Variants in SLC4A5 observed in about 807,000 individuals in gnomAD.
SLC4A5 encodes solute carrier family 4 member 5.
A neutral mutation model predicts 120.4 loss-of-function variants in SLC4A5; 96 were observed. The observed-to-expected ratio is 0.80, with a 90% CI of 0.68 to 0.94. SLC4A5 has a LOEUF of 0.94. Among genes scored for constraint, SLC4A5 ranks in the 40% least tolerant of loss-of-function variants. The pLI, the probability that SLC4A5 is intolerant of heterozygous loss-of-function variation, is 0.00. For synonymous variants in SLC4A5, 550 were observed against 571.1 expected (o/e 0.96, Z 0.53); for missense variants, 1,259 against 1,459.5 (o/e 0.86, Z 2.24).
At chr2:74,262,913 CG>C (rs1260358167) in intron 10 of SLC4A5, among the ~76,000 whole-genome samples, 1 of 152,150 alleles carries the variant, frequency 6.6e-6, no homozygotes, top group Non-Finnish European at 1.5e-5. Context: ...CGTACCTACA[CG>C]CCACAGCATT....
intron 7 of SLC4A5, among the ~76,000 whole-genome samples, chr2:74,300,798 G>T (rs1372036618): frequency 6.6e-6 from 1 of 152,206 alleles, no homozygotes; most frequent in African/African-American, 2.4e-5. Context: ...GCAGCAAGGG[G>T]CTGCTTTCCA....
chr2:74,234,576 G>C (rs1670209216), intron 22 of SLC4A5, among the ~76,000 whole-genome samples: 1 of 152,192 alleles, frequency 6.6e-6, no homozygotes, highest in African/African-American at 2.4e-5. Flanking sequence ...TCTCAAACTT[G>C]AGCATACTCC....
At chr2:74,222,809 A>G in intron 29 of SLC4A5, 59 bp downstream of exon 29, 1 of 1,434,414 alleles carries the variant, frequency 7.0e-7, no homozygotes, top group Admixed American at 1.7e-5. Flanking sequence ...GAAAGTTCCT[A>G]GGGGAAAGAC....
chr2:74,290,998 C>T (rs890309685), intron 7 of SLC4A5, among the ~76,000 whole-genome samples: 2 of 152,152 alleles, frequency 1.3e-5, no homozygotes, highest in Admixed American at 1.3e-4. Flanking sequence ...AGGGCCCTTC[C>T]TCTCCACCAC....
chr2:74,223,155 C>A (rs1345332434), intron 28 of SLC4A5, among the ~76,000 whole-genome samples: 1 of 152,010 alleles, frequency 6.6e-6, no homozygotes, highest in South Asian at 2.1e-4. Flanking sequence ...CAGGCGTGCA[C>A]CCCCATACCT....
At chr2:74,278,454 T>C (rs971862138) in intron 8 of SLC4A5, among the ~76,000 whole-genome samples, 1 of 152,134 alleles carries the variant, frequency 6.6e-6, no homozygotes, top group Non-Finnish European at 1.5e-5. Context: ...TGAAGGTCTC[T>C]TTTGCAGCTC....
intron 12 of SLC4A5, among the ~76,000 whole-genome samples, chr2:74,258,309 C>A (rs1425258290): frequency 6.6e-6 from 1 of 152,222 alleles, no homozygotes; most frequent in Non-Finnish European, 1.5e-5. Context: ...TACCGAGAAG[C>A]AGCATCAAGT....
At chr2:74,313,543 T>C (rs1044279922) in intron 6 of SLC4A5, among the ~76,000 whole-genome samples, 3 of 152,220 alleles carry the variant, frequency 2.0e-5, no homozygotes, top group African/African-American at 7.2e-5. Flanking sequence ...TGCATGCTCT[T>C]CTGGATCCCA....
chr2:74,242,098 C>A (rs35956343), intron 19 of SLC4A5, 46 bp from the exon 20 acceptor site: 1 of 1,559,336 alleles, frequency 6.4e-7, no homozygotes, highest in Non-Finnish European at 8.8e-7. Flanking sequence ...AGCTGTGGGG[C>A]TGGGAGCTGC....
At chr2:74,301,162 T>C (rs17009828) in intron 7 of SLC4A5, among the ~76,000 whole-genome samples, 4,981 of 152,270 alleles carry the variant, frequency 0.033, 284 homozygotes, top group African/African-American at 0.11. Flanking sequence ...GTGGAAGGAA[T>C]AAAAGTCAGC....
chr2:74,258,644 T>A (rs1440771107), intron 12 of SLC4A5, among the ~76,000 whole-genome samples: 1 of 152,244 alleles, frequency 6.6e-6, no homozygotes, highest in Non-Finnish European at 1.5e-5. Context: ...TTTGGTGTGT[T>A]ATTTAACTGC....
At chr2:74,274,009 A>G (rs924088954) in intron 8 of SLC4A5, among the ~76,000 whole-genome samples, 12 of 152,270 alleles carry the variant, frequency 7.9e-5, no homozygotes, top group Non-Finnish European at 4.4e-5. Flanking sequence ...TACTAAAAAT[A>G]CAAAGATTAG....
At chr2:74,270,182 T>C (rs980032039) in intron 8 of SLC4A5, among the ~76,000 whole-genome samples, 16 of 152,212 alleles carry the variant, frequency 1.1e-4, no homozygotes, top group African/African-American at 3.4e-4. Flanking sequence ...GTCCCCTCTA[T>C]AACTATTTTG....
At chr2:74,315,840 A>G (rs1672951273) in intron 5 of SLC4A5, among the ~76,000 whole-genome samples, 2 of 152,048 alleles carry the variant, frequency 1.3e-5, no homozygotes. Context: ...TTTGTTTTTA[A>G]GTAAACAACA....
Position 74,232,656 on chromosome 2 carries a change from G to C in SLC4A5, c.2596-9C>G. 6.2e-7 allele frequency: 1 copy of C among 1,612,070 alleles called. No individual in the cohort carries two copies. The highest frequency in any genetic ancestry group is 8.5e-7 in the Non-Finnish European group (1 of 1,179,328). ...TGGTAGCCGGCAGCCTTCTGCAGGA[G>C]CGGGGTTGGGGGAGGGAGAAGTTTC... is the stretch of plus-strand genomic sequence containing the variant. On this transcript the variant is annotated splice_polypyrimidine_tract_variant and intron_variant, in intron 23 of 30. Coordinates refer to ENST00000394019, the Ensembl canonical transcript of SLC4A5.
chr2:74,334,402 CACTT>C (rs981392270), intron 3 of SLC4A5, among the ~76,000 whole-genome samples: 84 of 152,338 alleles, frequency 5.5e-4, no homozygotes, highest in African/African-American at 1.9e-3. Context: ...AGGACCTTTG[CACTT>C]ACTGTTTCCC....
intron 7 of SLC4A5, among the ~76,000 whole-genome samples, chr2:74,286,167 T>C (rs964463684): frequency 4.6e-5 from 7 of 152,086 alleles, no homozygotes; most frequent in African/African-American, 1.7e-4. Context: ...TGATGGGAAA[T>C]GGTCGAAGCC....
intron 21 of SLC4A5, among the ~76,000 whole-genome samples, chr2:74,237,058 G>A (rs533898044): frequency 4.0e-5 from 6 of 150,018 alleles, no homozygotes; most frequent in Non-Finnish European, 7.4e-5. Context: ...CTCACGGCAA[G>A]CTCTGCCTCC....
At chr2:74,274,177 A>T (rs1671566370) in intron 8 of SLC4A5, among the ~76,000 whole-genome samples, 1 of 152,184 alleles carries the variant, frequency 6.6e-6, no homozygotes, top group South Asian at 2.1e-4. Context: ...AGACCCTTAG[A>T]GGATGAGGAG....
Sources: gnomAD v4.1 joint callset for allele counts (sites outside exome capture counted in the v4.1 genomes callset) on GRCh38, gnomAD v4.1.1 for gene constraint, MANE v1.5 for transcripts, NCBI Gene and HGNC (gene_info 2026-07-23, HGNC 2026-07-21) for gene names.